Variants in ASH1L observed in about 807,000 individuals in gnomAD.
The protein encoded by ASH1L is ASH1 like histone lysine methyltransferase.
Under a neutral mutation model 269.0 loss-of-function variants are expected in ASH1L, and 23 were observed. That is an observed-to-expected ratio of 0.09 (90% confidence interval 0.06 to 0.12). The LOEUF is 0.12. Among genes scored for constraint, ASH1L ranks in the 10% least tolerant of loss-of-function variants. ASH1L has a pLI of 1.00. For missense variants in ASH1L, 2,912 were observed against 3,567.8 expected (o/e 0.82, Z 4.68); for synonymous variants, 1,187 against 1,253.5 (o/e 0.95, Z 1.12).
chr1:155,347,551 A>G, intron 20 of ASH1L, 105 bp downstream of exon 20: 2 of 1,457,126 alleles, frequency 1.4e-6, no homozygotes, highest in Non-Finnish European at 1.9e-6. Context: ...GTTACAGTTC[A>G]TAAACAGTCT....
At position 155,382,350 on chromosome 1, in the gene ASH1L, T is replaced by C. The variant is rs149366228; in HGVS notation, c.6104-2234A>G. ...TGTCTCTACTAAAAATACAAAAAATTAGCTGGGCGTGGTGGCGGGCATCTG... is the reference window on the plus strand; with the variant it reads ...TGTCTCTACTAAAAATACAAAAAATCAGCTGGGCGTGGTGGCGGGCATCTG... On this transcript the variant is annotated intron_variant, in intron 7 of 27. Coordinates refer to ENST00000392403, the MANE Select transcript of ASH1L (RefSeq NM_018489.3). 2.7e-3 allele frequency among the ~76,000 whole-genome samples: 416 copies of C among 151,476 alleles called. 16 individuals are homozygous for C. The East Asian group carries it at 0.07, about 25-fold the overall frequency.
Position 155,479,815 on chromosome 1 carries a change from G to A in ASH1L, c.3055C>T (p.His1019Tyr). The change falls in exon 3 of 28, where the codon CAT (histidine) becomes TAT (tyrosine). Residue 1019 changes from histidine (H) to tyrosine (Y), a missense_variant. By Grantham distance (83) the His-to-Tyr change is moderately conservative. This residue lies in a region of ASH1L where 715 missense variants were observed against 721.0 expected (regional missense o/e 0.99). Coordinates refer to ENST00000392403, the MANE Select transcript of ASH1L (RefSeq NM_018489.3). ...SNKGKVQSKLHNTVSSLAATF... is the reference protein window; with the variant it reads ...SNKGKVQSKLYNTVSSLAATF... ...GCAGCAAGACTTGATACCGTATTAT[G>A]GAGTTTGGATTGCACTTTCCCTTTA... is the stretch of plus-strand genomic sequence containing the variant. 1.2e-6 allele frequency: 2 copies of A among 1,614,166 alleles called. No individual in the cohort carries two copies. Among genetic ancestry groups the A allele is most frequent in the Non-Finnish European group, 1.7e-6 (2 of 1,180,016 alleles).
At chr1:155,390,805 C>T (rs1657864174) in intron 7 of ASH1L, among the ~76,000 whole-genome samples, 2 of 151,978 alleles carry the variant, frequency 1.3e-5, no homozygotes, top group Admixed American at 1.3e-4. Context: ...GCCACCACGC[C>T]TGGCTAATTA....
intron 12 of ASH1L, among the ~76,000 whole-genome samples, chr1:155,369,769 G>A (rs1349076532): frequency 6.6e-6 from 1 of 151,950 alleles, no homozygotes; most frequent in Non-Finnish European, 1.5e-5. Flanking sequence ...TAAATATTAG[G>A]TATTATTATT....
intron 1 of ASH1L, among the ~76,000 whole-genome samples, chr1:155,556,289 T>C (rs1256376925): frequency 2.0e-5 from 3 of 152,144 alleles, no homozygotes; most frequent in African/African-American, 7.2e-5. Context: ...TCCCAAACAC[T>C]TGAGTGGCTA....
chr1:155,388,014 T>C (rs1657584103), intron 7 of ASH1L, among the ~76,000 whole-genome samples: 1 of 152,192 alleles, frequency 6.6e-6, no homozygotes, highest in Non-Finnish European at 1.5e-5. Flanking sequence ...AAGTTGTTTA[T>C]CAGCTTAAGG....
chr1:155,398,668 T>C (rs968746991), intron 6 of ASH1L, among the ~76,000 whole-genome samples: 3 of 152,114 alleles, frequency 2.0e-5, no homozygotes, highest in Admixed American at 1.3e-4. Flanking sequence ...AAAGCCAAAA[T>C]GCTAGGAAAG....
chr1:155,397,267 C>T (rs1290089036), intron 6 of ASH1L, among the ~76,000 whole-genome samples: 2 of 151,768 alleles, frequency 1.3e-5, no homozygotes, highest in Non-Finnish European at 1.5e-5. Context: ...GAGGCCAAGG[C>T]GGGTGGATCA....
intron 3 of ASH1L, 53 bp downstream of exon 3, chr1:155,477,833 G>A (rs996050261): frequency 6.6e-5 from 98 of 1,495,572 alleles, no homozygotes; most frequent in Non-Finnish European, 8.6e-5. Flanking sequence ...AGGCACCTGT[G>A]GAAAATAACC....
At position 155,380,036 on chromosome 1, in the gene ASH1L, T is replaced by C; in HGVS notation, c.6177+7A>G. ...GAATGAAACCTGGTAAAACAGGCTC[T>C]CTGTACCTGATTGTGTTTCCACTGC... On this transcript the variant is annotated splice_region_variant and intron_variant, in intron 8 of 27. Coordinates refer to ENST00000392403, the MANE Select transcript of ASH1L (RefSeq NM_018489.3). 6.2e-7 allele frequency: 1 copy of C among 1,605,394 alleles called. No individual in the cohort carries two copies.
chr1:155,538,883 C>G (rs1670237548), intron 1 of ASH1L, among the ~76,000 whole-genome samples: 1 of 152,056 alleles, frequency 6.6e-6, no homozygotes, highest in Non-Finnish European at 1.5e-5. Context: ...ATATCTGAAA[C>G]CTGGTTCAAT....
chr1:155,490,319 A>C (rs1666675184), intron 2 of ASH1L, among the ~76,000 whole-genome samples: 1 of 151,810 alleles, frequency 6.6e-6, no homozygotes, highest in Non-Finnish European at 1.5e-5. Flanking sequence ...ACCTTATATA[A>C]AGACATCCAG....
At chr1:155,344,494 A>C in intron 21 of ASH1L, 1 of 444,318 alleles carries the variant, frequency 2.3e-6, no homozygotes, top group East Asian at 3.7e-5. Context: ...TTTATGAAGC[A>C]CTAATTGTGT....
At chr1:155,450,704 C>T (rs1176392527) in intron 4 of ASH1L, among the ~76,000 whole-genome samples, 1 of 152,130 alleles carries the variant, frequency 6.6e-6, no homozygotes, top group Non-Finnish European at 1.5e-5. Context: ...TGGGTATATA[C>T]CAGAAAGAAC....
intron 12 of ASH1L, among the ~76,000 whole-genome samples, chr1:155,369,460 AG>A (rs1655735466): frequency 6.6e-6 from 1 of 152,046 alleles, no homozygotes; most frequent in South Asian, 2.1e-4. Flanking sequence ...AAAAAAAAAA[AG>A]TCTATGTATT....
chr1:155,371,173 T>G (rs1655910503), intron 10 of ASH1L, among the ~76,000 whole-genome samples, 190 bp from the exon 11 acceptor site: 1 of 152,214 alleles, frequency 6.6e-6, no homozygotes, highest in Non-Finnish European at 1.5e-5. Flanking sequence ...CAAGTCGGGC[T>G]GCAAATCCTG....
chr1:155,485,001 G>A (rs1373144006), intron 2 of ASH1L, among the ~76,000 whole-genome samples: 2 of 149,738 alleles, frequency 1.3e-5, no homozygotes, highest in Non-Finnish European at 3.0e-5. Flanking sequence ...GCTCATGCCT[G>A]TAATCCCAGC....
intron 1 of ASH1L, among the ~76,000 whole-genome samples, chr1:155,543,149 C>T (rs1025371194): frequency 3.9e-5 from 6 of 152,064 alleles, no homozygotes; most frequent in East Asian, 1.9e-4. Context: ...AAATCCTTTC[C>T]TATTTTGCAT....
chr1:155,526,265 G>C (rs985196663), intron 1 of ASH1L, among the ~76,000 whole-genome samples: 1 of 152,254 alleles, frequency 6.6e-6, no homozygotes, highest in Middle Eastern at 3.4e-3. Context: ...CTAATACAAT[G>C]ATTGGCATGT....
Sources: gnomAD v4.1 joint callset for allele counts (sites outside exome capture counted in the v4.1 genomes callset) on GRCh38, gnomAD v4.1.1 for gene constraint, gnomAD v4.1.1 regional missense constraint, MANE v1.5 for transcripts, NCBI Gene and HGNC (gene_info 2026-07-23, HGNC 2026-07-21) for gene names.